TRHDE: variants seen among roughly 807,000 people sequenced by gnomAD.
The protein encoded by TRHDE is thyrotropin-releasing hormone-degrading ectoenzyme.
TRHDE carries 72 observed loss-of-function variants against 125.7 expected under a neutral mutation model. The ratio of observed to expected loss-of-function variants is 0.57; its 90% CI spans 0.47 to 0.70. The LOEUF (loss-of-function observed/expected upper bound fraction) is 0.70, where lower values mean the gene tolerates loss of function less well. TRHDE is among the 30% of genes least tolerant of loss of function. TRHDE has a pLI of 0.00. For missense variants in TRHDE, 1,110 were observed against 1,327.1 expected, an observed-to-expected ratio of 0.84 and a Z score of 2.54; for synonymous variants, 509 against 509.1, an observed-to-expected ratio of 1.00 and a Z score of 0.00.
intron 3 of TRHDE, among the ~76,000 whole-genome samples, chr12:72,413,532 A>G (rs1240290791): frequency 6.6e-6 from 1 of 151,830 alleles, no homozygotes; most frequent in African/African-American, 2.4e-5. Flanking sequence ...AGCTCTACCT[A>G]TTTCATTTTT....
At chr12:72,201,499 C>T (rs2139355202) in intron 2 of TRHDE, among the ~76,000 whole-genome samples, 1 of 152,254 alleles carries the variant, frequency 6.6e-6, no homozygotes, top group African/African-American at 2.4e-5. Context: ...ACTTGAGGAC[C>T]CCTCTAGGCT....
At chr12:72,574,626 G>A (rs1870903041) in intron 10 of TRHDE, among the ~76,000 whole-genome samples, 1 of 151,914 alleles carries the variant, frequency 6.6e-6, no homozygotes, top group Non-Finnish European at 1.5e-5. Context: ...TAGCTGGTGA[G>A]GATAATCAAA....
intron 12 of TRHDE, among the ~76,000 whole-genome samples, chr12:72,606,709 G>A (rs1872459519): frequency 6.6e-6 from 1 of 152,084 alleles, no homozygotes; most frequent in Non-Finnish European, 1.5e-5. Context: ...TATTTATTGT[G>A]AAGAATTTCA....
At position 72,251,122 on chromosome 12, in the gene TRHDE, C is replaced by A. The variant is rs556632955; in HGVS notation, n.280-126873C>A. Among the ~76,000 whole-genome samples, 167 of 151,608 alleles carry A rather than the reference C, an allele frequency of 1.1e-3. No homozygotes were observed. The Middle Eastern group carries it at 0.014, about 12-fold the overall frequency. ...ATTGACATTGATTATGATCCATTTACCTTATTCAGATTTTACCGGTTTTAC... is the reference window on the plus strand; with the variant it reads ...ATTGACATTGATTATGATCCATTTAACTTATTCAGATTTTACCGGTTTTAC... On this transcript the variant is annotated intron_variant and non_coding_transcript_variant, in intron 2 of 4. Transcript: ENST00000548156.
At chr12:72,574,879 TGCA>T (rs1870917543) in intron 10 of TRHDE, among the ~76,000 whole-genome samples, 1 of 152,120 alleles carries the variant, frequency 6.6e-6, no homozygotes, top group Non-Finnish European at 1.5e-5. Context: ...TAGTAGAATA[TGCA>T]TCTAAAACCT....
chr12:72,338,344 C>T (rs1311192934), intron 2 of TRHDE, among the ~76,000 whole-genome samples: 1 of 152,058 alleles, frequency 6.6e-6, no homozygotes, highest in Non-Finnish European at 1.5e-5. Flanking sequence ...AGAATGTGAT[C>T]TTAATTGGTA....
intron 2 of TRHDE, among the ~76,000 whole-genome samples, chr12:72,224,084 A>T (rs888761152): frequency 5.3e-5 from 2 of 37,886 alleles, no homozygotes; most frequent in Non-Finnish European, 1.1e-4. Context: ...CTATCCATCT[A>T]TCTATCCATC....
At chr12:72,396,556 C>T (rs1872798658) in intron 3 of TRHDE, among the ~76,000 whole-genome samples, 1 of 151,972 alleles carries the variant, frequency 6.6e-6, no homozygotes, top group Non-Finnish European at 1.5e-5. Flanking sequence ...CCATCCTGGC[C>T]AACATGGGGA....
chr12:72,486,811 A>G (rs868323106), intron 5 of TRHDE, among the ~76,000 whole-genome samples: 1 of 152,182 alleles, frequency 6.6e-6, no homozygotes. Flanking sequence ...CTAACCTGCA[A>G]AGAAACGGAA....
chr12:72,417,332 G>A (rs1030060177), intron 3 of TRHDE, among the ~76,000 whole-genome samples: 2 of 152,070 alleles, frequency 1.3e-5, no homozygotes, highest in East Asian at 1.9e-4. Context: ...AATTGGAATC[G>A]GTAGGAACTA....
Position 72,273,046 on chromosome 12 carries a change from G to C in TRHDE, c.403G>C (p.Gly135Arg), listed in dbSNP as rs981408209. 6 of 1,537,068 alleles carry C rather than the reference G, an allele frequency of 3.9e-6. No individual in the cohort carries two copies. The highest frequency in any genetic ancestry group is 2.4e-5 in the East Asian group (1 of 41,016). Residue 135 changes from glycine (G) to arginine (R), a missense_variant, in exon 1 of 19, where the codon GGG (glycine) becomes CGG (arginine). By Grantham distance (125) the Gly-to-Arg change is moderately radical. This residue lies in a region of TRHDE where 248 missense variants were observed against 240.8 expected (regional missense o/e 1.03). Transcript: ENST00000261180. The surrounding 1 kb of genome is among the most constrained non-coding windows in gnomAD (Gnocchi z 5.3). Reference sequence around the variant, plus strand: ...AGGCTTTCCGGAGCGCGGCGGCAACGGGAGCCTCCCTGGATCGGCCCGGCG... The same window carrying C: ...AGGCTTTCCGGAGCGCGGCGGCAACCGGAGCCTCCCTGGATCGGCCCGGCG... ...PSGFPERGGNGSLPGSARRNH... is the reference protein window; with the variant it reads ...PSGFPERGGNRSLPGSARRNH...
At chr12:72,550,343 G>C (rs1869617384) in intron 7 of TRHDE, among the ~76,000 whole-genome samples, 2 of 152,008 alleles carry the variant, frequency 1.3e-5, no homozygotes, top group Non-Finnish European at 2.9e-5. Context: ...TAGTTCAGTA[G>C]TACAATAAAC....
At chr12:72,143,653 G>A (rs1425108059) in intron 2 of TRHDE, among the ~76,000 whole-genome samples, 1 of 152,020 alleles carries the variant, frequency 6.6e-6, no homozygotes, top group African/African-American at 2.4e-5. Flanking sequence ...CAGCCATTGG[G>A]CCATTTTTAT....
intron 12 of TRHDE, among the ~76,000 whole-genome samples, chr12:72,592,225 C>T (rs926959544): frequency 1.3e-5 from 2 of 152,094 alleles, no homozygotes; most frequent in Non-Finnish European, 2.9e-5. Flanking sequence ...CTTCATTTCC[C>T]CCATGTTCAA....
intron 2 of TRHDE, among the ~76,000 whole-genome samples, chr12:72,180,066 G>A (rs1877065414): frequency 6.6e-6 from 1 of 151,722 alleles, no homozygotes; most frequent in Non-Finnish European, 1.5e-5. Flanking sequence ...TAATTAGGTA[G>A]TATTAATTGA....
intron 9 of TRHDE, among the ~76,000 whole-genome samples, chr12:72,566,205 G>A (rs1870433720): frequency 6.6e-6 from 1 of 151,838 alleles, no homozygotes; most frequent in Non-Finnish European, 1.5e-5. Flanking sequence ...AAATATGCTT[G>A]GTAACTTGGA....
intron 6 of TRHDE, among the ~76,000 whole-genome samples, chr12:72,509,750 G>A (rs1170860678): frequency 6.6e-6 from 1 of 152,128 alleles, no homozygotes; most frequent in African/African-American, 2.4e-5. Flanking sequence ...AGAGATCTAT[G>A]TCTAGGTTTA....
At chr12:72,106,391 A>G (rs1367255974) in intron 2 of TRHDE, among the ~76,000 whole-genome samples, 2 of 152,182 alleles carry the variant, frequency 1.3e-5, no homozygotes, top group East Asian at 3.8e-4. Context: ...AAATAAACAA[A>G]AGTGAAGGAA....
chr12:72,166,640 C>A (rs762707897), intron 2 of TRHDE, among the ~76,000 whole-genome samples: 1 of 152,104 alleles, frequency 6.6e-6, no homozygotes, highest in African/African-American at 2.4e-5. Context: ...TCCTCTGATG[C>A]GCTCCATTCT....
Sources: gnomAD v4.1 joint callset for allele counts (sites outside exome capture counted in the v4.1 genomes callset) on GRCh38, gnomAD v4.1.1 for gene constraint, gnomAD v4.1.1 regional missense constraint, Gnocchi (gnomAD v3.1) non-coding constraint, MANE v1.5 for transcripts, NCBI Gene and HGNC (gene_info 2026-07-23, HGNC 2026-07-21) for gene names.